The following PINX1 variants were observed in gnomAD, a reference collection of about 807,000 sequenced individuals.
PINX1 encodes the protein PIN2/TERF1-interacting telomerase inhibitor 1.
A neutral mutation model predicts 25.4 loss-of-function variants in PINX1; 34 were observed. That is an observed-to-expected ratio of 1.34 (90% CI 1.02 to 1.78). PINX1 has a LOEUF of 1.78. Among genes scored for constraint, PINX1 ranks in the 40% most tolerant of loss-of-function variants. The pLI, the probability that PINX1 is intolerant of heterozygous loss-of-function variation, is 0.00. For synonymous variants in PINX1, 197 were observed against 147.7 expected, an observed-to-expected ratio of 1.33 and a Z score of -2.42; for missense variants, 592 against 404.9, an observed-to-expected ratio of 1.46 and a Z score of -3.97.
At chr8:10,771,805 G>A (rs374224550) in intron 6 of PINX1, among the ~76,000 whole-genome samples, 1 of 152,202 alleles carries the variant, frequency 6.6e-6, no homozygotes, top group African/African-American at 2.4e-5. Flanking sequence ...CCATCCACAT[G>A]AAACCACCCC....
At chr8:10,772,975 A>C (rs1197392131) in intron 6 of PINX1, among the ~76,000 whole-genome samples, 1 of 152,008 alleles carries the variant, frequency 6.6e-6, no homozygotes, top group Non-Finnish European at 1.5e-5. Flanking sequence ...GAAACAAAAA[A>C]CTATTTTATG....
chr8:10,812,309 A>C (rs1797547514), intron 6 of PINX1, among the ~76,000 whole-genome samples: 1 of 152,216 alleles, frequency 6.6e-6, no homozygotes, highest in Non-Finnish European at 1.5e-5. Flanking sequence ...GTGGTCGAGG[A>C]AAACGTAAAA....
chr8:10,831,459 TAATA>T (rs754788487), intron 4 of PINX1, among the ~76,000 whole-genome samples: 3 of 152,296 alleles, frequency 2.0e-5, no homozygotes, highest in Middle Eastern at 3.4e-3. Flanking sequence ...CCAACACAAA[TAATA>T]AATGTCTGAA....
chr8:10,794,668 G>C (rs371261105), intron 6 of PINX1, among the ~76,000 whole-genome samples: 6 of 152,094 alleles, frequency 3.9e-5, no homozygotes, highest in South Asian at 2.1e-4. Context: ...CTTGTGATCC[G>C]TCCGATCACG....
At chr8:10,783,223 G>C (rs908801392) in intron 6 of PINX1, among the ~76,000 whole-genome samples, 3 of 152,130 alleles carry the variant, frequency 2.0e-5, no homozygotes, top group Admixed American at 1.3e-4. Flanking sequence ...AATTTTTATA[G>C]AGTATAATGG....
At chr8:10,792,597 G>A (rs1181779423) in intron 6 of PINX1, among the ~76,000 whole-genome samples, 2 of 152,090 alleles carry the variant, frequency 1.3e-5, no homozygotes, top group Non-Finnish European at 2.9e-5. Context: ...ACAACAAACA[G>A]AAATACTCTC....
intron 6 of PINX1, among the ~76,000 whole-genome samples, chr8:10,810,509 G>T (rs906088404): frequency 6.6e-6 from 1 of 152,134 alleles, no homozygotes; most frequent in African/African-American, 2.4e-5. Flanking sequence ...GATTGTTCAA[G>T]GCATATTTCA....
chr8:10,790,441 T>C (rs974986042), intron 6 of PINX1, among the ~76,000 whole-genome samples: 2 of 151,978 alleles, frequency 1.3e-5, no homozygotes, highest in Admixed American at 6.6e-5. Flanking sequence ...GAAGCAAGGG[T>C]GAGCCAGCAG....
intron 1 of PINX1, among the ~76,000 whole-genome samples, chr8:10,837,971 A>G (rs1207390884): frequency 2.0e-5 from 3 of 152,254 alleles, no homozygotes; most frequent in Admixed American, 6.5e-5. Context: ...CTTATAACAT[A>G]TAAGTGAGCC....
intron 6 of PINX1, among the ~76,000 whole-genome samples, chr8:10,803,505 C>T (rs1183416989): frequency 6.6e-6 from 1 of 152,134 alleles, no homozygotes; most frequent in Non-Finnish European, 1.5e-5. Context: ...ATATTTTTTT[C>T]ATTCCACTGA....
intron 5 of PINX1, chr8:10,821,771 T>C (rs954323122): frequency 2.1e-4 from 32 of 152,366 alleles, no homozygotes; most frequent in African/African-American, 7.5e-4. Flanking sequence ...GTACTGGCCA[T>C]CTATCCCTAA....
chr8:10,826,074 C>G lies in PINX1; in HGVS notation c.394+78G>C. 10 of 741,122 alleles carry G rather than the reference C, an allele frequency of 1.3e-5. No homozygotes were observed. The South Asian group carries it at 1.6e-4, about 12-fold the overall frequency. The allele number at this position is 741,122 out of a possible 1,614,324, so 45.9% of individuals were successfully genotyped here. On this transcript the variant is annotated intron_variant, in intron 5 of 6. Transcript: ENST00000314787. Reference sequence around the variant, plus strand: ...CCATAAAGCATGAAGTCGCTATTGGCCCAGAGCTAAAATGCTTCAAGCAAC... The same window carrying G: ...CCATAAAGCATGAAGTCGCTATTGGGCCAGAGCTAAAATGCTTCAAGCAAC...
chr8:10,831,275 G>C (rs921289516), intron 4 of PINX1, among the ~76,000 whole-genome samples: 1 of 152,212 alleles, frequency 6.6e-6, no homozygotes, highest in Non-Finnish European at 1.5e-5. Flanking sequence ...GGTTATTAGA[G>C]CTGCGTAAGG....
intron 6 of PINX1, among the ~76,000 whole-genome samples, chr8:10,772,520 A>C (rs1338452454): frequency 2.0e-5 from 3 of 152,228 alleles, no homozygotes; most frequent in Admixed American, 1.3e-4. Flanking sequence ...ACTCACAAAA[A>C]GCTTTTCAAG....
At chr8:10,796,160 T>C (rs895566843) in intron 6 of PINX1, among the ~76,000 whole-genome samples, 1 of 152,118 alleles carries the variant, frequency 6.6e-6, no homozygotes, top group Admixed American at 6.5e-5. Context: ...ACAGAGAATA[T>C]CTGCTGAGTG....
intron 5 of PINX1, among the ~76,000 whole-genome samples, chr8:10,821,090 T>C (rs536152958): frequency 1.3e-5 from 2 of 152,364 alleles, no homozygotes; most frequent in African/African-American, 4.8e-5. Context: ...AAATGCATTT[T>C]AAAATGTAAC....
intron 3 of PINX1, among the ~76,000 whole-genome samples, chr8:10,832,224 C>T (rs1798245918): frequency 6.6e-6 from 1 of 152,078 alleles, no homozygotes; most frequent in African/African-American, 2.4e-5. Flanking sequence ...GGAGGAAGAA[C>T]CTTAAGTCCC....
At chr8:10,836,395 C>A (rs1586216779) in intron 1 of PINX1, among the ~76,000 whole-genome samples, 1 of 152,182 alleles carries the variant, frequency 6.6e-6, no homozygotes, top group African/African-American at 2.4e-5. Flanking sequence ...CAGAGAGAAG[C>A]CTGTTAGCCA....
At chr8:10,811,315 C>T (rs1774704319) in intron 6 of PINX1, among the ~76,000 whole-genome samples, 2 of 152,124 alleles carry the variant, frequency 1.3e-5, no homozygotes, top group Admixed American at 1.3e-4. Flanking sequence ...GAACCAGTTG[C>T]CCTTTAGAAG....
Sources: allele counts gnomAD v4.1 joint callset (sites outside exome capture counted in the v4.1 genomes callset), GRCh38; gene constraint gnomAD v4.1.1; transcripts MANE v1.5; gene names NCBI Gene and HGNC (gene_info 2026-07-23, HGNC 2026-07-21).